Variants in FEN1 observed in about 807,000 individuals in gnomAD.
FEN1 encodes the protein flap endonuclease 1.
FEN1 carries 19 observed loss-of-function variants against 24.7 expected under a neutral mutation model. The observed-to-expected ratio is 0.77, with a 90% CI of 0.54 to 1.13. FEN1 has a LOEUF of 1.13. Ranked by LOEUF, FEN1 falls within the 50% of genes most tolerant of loss-of-function variation. The probability of loss-of-function intolerance (pLI) is 0.00; values close to 1 mark genes in which losing one functional copy is unlikely to be tolerated. For synonymous variants in FEN1, 155 were observed against 189.2 expected, an observed-to-expected ratio of 0.82 and a Z score of 1.48; for missense variants, 339 against 488.7, an observed-to-expected ratio of 0.69 and a Z score of 2.89.
rs2066821785 is a variant in FEN1 at position 61,796,569 on chromosome 11, C to T, written c.*65C>T. Reference sequence around the variant, plus strand: ...TGCCGTCTTGTACCCTTAAGAGCTACAGCTAGAGAAACCTTCACGGGGTGG... The same window carrying T: ...TGCCGTCTTGTACCCTTAAGAGCTATAGCTAGAGAAACCTTCACGGGGTGG... On this transcript the variant is annotated 3_prime_UTR_variant, in exon 2 of 2. Transcript: ENST00000305885. 2.7e-6 allele frequency: 4 copies of T among 1,462,972 alleles called. No homozygotes were observed. The African/African-American group carries it at 4.3e-5, about 16-fold the overall frequency. The allele number at this position is 1,462,972 out of a possible 1,614,324, so 90.6% of individuals were successfully genotyped here.
In FEN1 at chr11:61,796,207, C is replaced by T. The variant is rs2066818821; in HGVS notation, c.846C>T (p.Leu282=). Residue 282 remains leucine, a synonymous_variant, in exon 2 of 2, where the codon CTC becomes CTT. Transcript: ENST00000305885. ...GGCTCCACAAGGAGGCTCACCAGCT[C>T]TTCTTGGAACCTGAGGTGCTGGACC... ...ENWLHKEAHQ[L]FLEPEVLDPE... is the part of the protein sequence containing the mutation. 3 of 1,613,172 alleles carry T rather than the reference C, an allele frequency of 1.9e-6. No individual in the cohort carries two copies. Among genetic ancestry groups the T allele is most frequent in the Non-Finnish European group, 2.5e-6 (3 of 1,180,028 alleles).
Position 61,795,343 on chromosome 11 carries a change from A to G in FEN1, c.-19A>G, listed in dbSNP as rs1208192884. ...TCTGACTTGCCTTTCTTTTTTAGTC[A>G]TCCCTCCTCTGTGTTGCCATGGGAA... On this transcript the variant is annotated splice_region_variant and 5_prime_UTR_variant, in exon 2 of 2. Coordinates refer to ENST00000305885, the MANE Select transcript of FEN1 (RefSeq NM_004111.6). The surrounding 1 kb of genome is among the most constrained non-coding windows in gnomAD (Gnocchi z 4.1). The G allele has an allele frequency of 1.1e-5, 17 of 1,564,758 alleles. No individual in the cohort carries two copies. The Admixed American group carries it at 2.9e-4, about 27-fold the overall frequency.
chr11:61,795,723 A>G lies in FEN1; in HGVS notation c.362A>G (p.Gln121Arg). The G allele has an allele frequency of 1.2e-6, 2 of 1,613,912 alleles. No homozygotes were observed. Among genetic ancestry groups the G allele is most frequent in the Non-Finnish European group, 8.5e-7 (1 of 1,179,998 alleles). Reference sequence around the variant, plus strand: ...CAGGCTCAGGCTGCTGGGGCCGAGCAGGAGGTGGAAAAATTCACTAAGCGG... The same window carrying G: ...CAGGCTCAGGCTGCTGGGGCCGAGCGGGAGGTGGAAAAATTCACTAAGCGG... ...LQQAQAAGAE[Q>R]EVEKFTKRLV... Residue 121 changes from glutamine to arginine, a missense_variant, in exon 2 of 2, where the codon CAG (glutamine) becomes CGG (arginine). Coordinates refer to ENST00000305885, the MANE Select transcript of FEN1 (RefSeq NM_004111.6). This position sits in a 1 kb window ranked among gnomAD's most constrained non-coding sequence, Gnocchi z 4.1.
At position 61,795,906 on chromosome 11, in the gene FEN1, G is replaced by T. The variant is rs1197013504; in HGVS notation, c.545G>T (p.Cys182Phe). 1.2e-6 allele frequency: 2 copies of T among 1,614,026 alleles called. No homozygotes were observed. The highest frequency in any genetic ancestry group is 1.7e-6 in the Non-Finnish European group (2 of 1,180,042). Residue 182 changes from cysteine (C) to phenylalanine (F), a missense_variant, in exon 2 of 2, where the codon TGC becomes TTC. This residue lies in a region of FEN1 where 216 missense variants were observed against 329.7 expected (regional missense o/e 0.66). Coordinates refer to ENST00000305885, the MANE Select transcript of FEN1 (RefSeq NM_004111.6). The surrounding 1 kb of genome is among the most constrained non-coding windows in gnomAD (Gnocchi z 4.1). ...GCTGCGGCTACCGAGGACATGGACT[G>T]CCTCACCTTCGGCAGCCCTGTGCTA... ...VYAAATEDMDCLTFGSPVLMR... is the reference protein window; with the variant it reads ...VYAAATEDMDFLTFGSPVLMR...
intron 1 of FEN1, among the ~76,000 whole-genome samples, chr11:61,794,618 C>T (rs912928981): frequency 6.6e-6 from 1 of 152,132 alleles, no homozygotes; most frequent in Non-Finnish European, 1.5e-5. Context: ...CTGGGAAACA[C>T]TGAACTCTGA....
In FEN1 at chr11:61,796,397, G is replaced by A. The variant is rs542490356; in HGVS notation, c.1036G>A (p.Val346Met). Residue 346 changes from valine to methionine, a missense_variant, in exon 2 of 2, where the codon GTG becomes ATG. Val to Met is a conservative substitution (Grantham distance 21). Transcript: ENST00000305885. Reference sequence around the variant, plus strand: ...GGGCCGCCTGGATGATTTCTTCAAGGTGACCGGCTCACTCTCTTCAGCTAA... The same window carrying A: ...GGGCCGCCTGGATGATTTCTTCAAGATGACCGGCTCACTCTCTTCAGCTAA... ...TQGRLDDFFKVTGSLSSAKRK... is the reference protein window; with the variant it reads ...TQGRLDDFFKMTGSLSSAKRK... 6.2e-7 allele frequency: 1 copy of A among 1,613,722 alleles called. No homozygotes were observed. The highest frequency in any genetic ancestry group is 1.3e-5 in the African/African-American group (1 of 75,038).
chr11:61,793,498 C>T (rs2066801628), intron 1 of FEN1, among the ~76,000 whole-genome samples: 1 of 152,184 alleles, frequency 6.6e-6, no homozygotes, highest in Non-Finnish European at 1.5e-5. Flanking sequence ...GCATGGTAAT[C>T]GTTCTTCTTC....
chr11:61,795,829 C>T lies in FEN1; in HGVS notation c.468C>T (p.Pro156=), dbSNP rs2066816371. 3.7e-6 allele frequency: 6 copies of T among 1,613,876 alleles called. No homozygotes were observed. The highest frequency in any genetic ancestry group is 5.1e-6 in the Non-Finnish European group (6 of 1,180,030). ...TGGGCATCCCTTATCTTGATGCACC[C>T]AGTGAGGCAGAGGCCAGCTGTGCTG... ...SLMGIPYLDA[P]SEAEASCAAL... Residue 156 remains proline, a synonymous_variant, in exon 2 of 2, where the codon CCC becomes CCT. Coordinates refer to ENST00000305885, the MANE Select transcript of FEN1 (RefSeq NM_004111.6). This position sits in a 1 kb window ranked among gnomAD's most constrained non-coding sequence, Gnocchi z 4.1.
Position 61,796,146 on chromosome 11 carries a change from G to C in FEN1, c.785G>C (p.Arg262Pro). Residue 262 changes from arginine to proline, a missense_variant, in exon 2 of 2, where the codon CGA (arginine) becomes CCA (proline). This residue lies in a region of FEN1 where 70 missense variants were observed against 64.9 expected (regional missense o/e 1.08). Transcript: ENST00000305885. ...KHKSIEEIVR[R>P]LDPNKYPVPE... ...AAGAGCATCGAGGAGATCGTGCGGC[G>C]ACTTGACCCCAACAAGTACCCTGTG... 6.2e-7 allele frequency: 1 copy of C among 1,614,120 alleles called. No homozygotes were observed. Among genetic ancestry groups the C allele is most frequent in the African/African-American group, 1.3e-5 (1 of 75,036 alleles).
rs756841522 is a variant in FEN1, at chr11:61,795,705, A to G, written c.344A>G (p.Gln115Arg). 2.5e-6 allele frequency: 4 copies of G among 1,613,858 alleles called. No homozygotes were observed. The highest frequency in any genetic ancestry group is 3.4e-6 in the Non-Finnish European group (4 of 1,179,948). Residue 115 changes from glutamine to arginine, a missense_variant, in exon 2 of 2, where the codon CAG becomes CGG. This residue lies in a region of FEN1 where 216 missense variants were observed against 329.7 expected (regional missense o/e 0.66). Transcript: ENST00000305885. This position sits in a 1 kb window ranked among gnomAD's most constrained non-coding sequence, Gnocchi z 4.1. ...GCAGAGAAGCAGCTGCAGCAGGCTCAGGCTGCTGGGGCCGAGCAGGAGGTG... is the reference window on the plus strand; with the variant it reads ...GCAGAGAAGCAGCTGCAGCAGGCTCGGGCTGCTGGGGCCGAGCAGGAGGTG... ...AEAEKQLQQA[Q>R]AAGAEQEVEK... is the part of the protein sequence containing the mutation.
intron 1 of FEN1, among the ~76,000 whole-genome samples, chr11:61,793,624 T>G (rs2066803741): frequency 6.6e-6 from 1 of 152,236 alleles, no homozygotes; most frequent in Admixed American, 6.5e-5. Flanking sequence ...ATTATTCATA[T>G]TAATCAAATG....
At chr11:61,793,417 G>T (rs947202618) in intron 1 of FEN1, among the ~76,000 whole-genome samples, 1 of 152,172 alleles carries the variant, frequency 6.6e-6, no homozygotes, top group Non-Finnish European at 1.5e-5. Context: ...GGTTGAACAG[G>T]CCTGGAGAGG....
chr11:61,796,113 A>G lies in FEN1; in HGVS notation c.752A>G (p.Gln251Arg). Reference sequence around the variant, plus strand: ...CCCAAGCGGGCTGTGGACCTCATCCAGAAGCACAAGAGCATCGAGGAGATC... The same window carrying G: ...CCCAAGCGGGCTGTGGACCTCATCCGGAAGCACAAGAGCATCGAGGAGATC... ...IGPKRAVDLI[Q>R]KHKSIEEIVR... The change falls in exon 2 of 2, where the codon CAG becomes CGG. Residue 251 changes from glutamine to arginine, a missense_variant. Physicochemically the swap from Gln to Arg is conservative, Grantham distance 43. Transcript: ENST00000305885. The G allele has an allele frequency of 6.2e-7, 1 of 1,614,224 alleles. No individual in the cohort carries two copies. Among genetic ancestry groups the G allele is most frequent in the Non-Finnish European group, 8.5e-7 (1 of 1,180,030 alleles).
rs781676618 is a variant in FEN1 at position 61,795,474 on chromosome 11, G to C, written c.113G>C (p.Ser38Thr). Residue 38 changes from serine (S) to threonine (T), a missense_variant, in exon 2 of 2, where the codon AGC (serine) becomes ACC (threonine). Ser to Thr is a moderately conservative substitution (Grantham distance 58). Around this residue, in one of 3 missense-constraint regions of FEN1, gnomAD observed 216 missense variants for 329.7 expected, o/e 0.66. Coordinates refer to ENST00000305885, the MANE Select transcript of FEN1 (RefSeq NM_004111.6). This position sits in a 1 kb window ranked among gnomAD's most constrained non-coding sequence, Gnocchi z 4.1. ...AAGGTGGCCATTGATGCCTCTATGA[G>C]CATTTATCAGTTCCTGATTGCTGTT... ...GRKVAIDASM[S>T]IYQFLIAVRQ... is the part of the protein sequence containing the mutation. The C allele has an allele frequency of 6.2e-7, 1 of 1,614,224 alleles. No homozygotes were observed. Among genetic ancestry groups the C allele is most frequent in the South Asian group, 1.1e-5 (1 of 91,078 alleles).
chr11:61,792,920 TCAGGCCACCCGC>T lies in FEN1; in HGVS notation c.-128_-117del. 1 of 296,064 alleles carries T rather than the reference TCAGGCCACCCGC, an allele frequency of 3.4e-6. No individual in the cohort carries two copies. Among genetic ancestry groups the T allele is most frequent in the East Asian group, 9.3e-5 (1 of 10,742 alleles). 18.3% of individuals were successfully genotyped at this position (296,064 alleles called of 1,614,324 possible). A position where few individuals can be genotyped will look rare whatever the true frequency, so the allele number is the denominator to read the frequency against. On this transcript the variant is annotated 5_prime_UTR_variant, in exon 1 of 2. Transcript: ENST00000305885. ...GCGGGCTTTGGAAGGCGGCTGAACG[TCAGGCCACCCGC>T]CGCTAAGCTGAGAAGGGAGAGCGAG...
chr11:61,794,524 T>TA (rs1418297764), intron 1 of FEN1, among the ~76,000 whole-genome samples: 2 of 152,036 alleles, frequency 1.3e-5, no homozygotes, highest in Non-Finnish European at 2.9e-5. Flanking sequence ...TTTAGTTTTT[T>TA]AAAAAAAATT....
intron 1 of FEN1, chr11:61,793,315 T>C (rs765419228): frequency 1.3e-5 from 2 of 152,500 alleles, no homozygotes; most frequent in Non-Finnish European, 2.9e-5. Context: ...TGCCTACCTG[T>C]CTGTGGGACG....
In FEN1 at chr11:61,795,651, T is replaced by G; in HGVS notation, c.290T>G (p.Leu97Arg). 6.2e-7 allele frequency: 1 copy of G among 1,614,074 alleles called. No individual in the cohort carries two copies. The highest frequency in any genetic ancestry group is 8.5e-7 in the Non-Finnish European group (1 of 1,180,036). The stretch of plus-strand genomic sequence containing the variant: ...CCGCCACAGCTCAAGTCAGGCGAGC[T>G]GGCCAAACGCAGTGAGCGGCGGGCT... ...GKPPQLKSGE[L>R]AKRSERRAEA... The change falls in exon 2 of 2, where the codon CTG (leucine) becomes CGG (arginine). Residue 97 changes from leucine to arginine, a missense_variant. Around this residue, in one of 3 missense-constraint regions of FEN1, gnomAD observed 216 missense variants for 329.7 expected, o/e 0.66. Transcript: ENST00000305885. The surrounding 1 kb of genome is among the most constrained non-coding windows in gnomAD (Gnocchi z 4.1).
At position 61,796,577 on chromosome 11, in the gene FEN1, G is replaced by C; in HGVS notation, c.*73G>C. 1.4e-6 allele frequency: 2 copies of C among 1,446,764 alleles called. No individual in the cohort carries two copies. The highest frequency in any genetic ancestry group is 1.8e-6 in the Non-Finnish European group (2 of 1,088,840). The allele number at this position is 1,446,764 out of a possible 1,614,324, so 89.6% of individuals were successfully genotyped here. On this transcript the variant is annotated 3_prime_UTR_variant, in exon 2 of 2. Transcript: ENST00000305885. ...TGTACCCTTAAGAGCTACAGCTAGA[G>C]AAACCTTCACGGGGTGGAGAGAGGA...
Sources: gnomAD v4.1 joint callset for allele counts (sites outside exome capture counted in the v4.1 genomes callset) on GRCh38, gnomAD v4.1.1 for gene constraint, gnomAD v4.1.1 regional missense constraint, Gnocchi (gnomAD v3.1) non-coding constraint, MANE v1.5 for transcripts, NCBI Gene and HGNC (gene_info 2026-07-23, HGNC 2026-07-21) for gene names.